The following CNTNAP2 variants were observed in gnomAD, a reference collection of about 807,000 sequenced individuals.
CNTNAP2 encodes contactin-associated protein-like 2.
A neutral mutation model predicts 155.2 loss-of-function variants in CNTNAP2; 98 were observed. The ratio of observed to expected loss-of-function variants is 0.63; its 90% CI spans 0.54 to 0.75. The LOEUF (loss-of-function observed/expected upper bound fraction) is 0.75. Among genes scored for constraint, CNTNAP2 ranks in the 30% least tolerant of loss-of-function variants. CNTNAP2 has a pLI of 0.00. For synonymous variants in CNTNAP2, 651 were observed against 631.2 expected (o/e 1.03, Z -0.47); for missense variants, 1,727 against 1,688.1 (o/e 1.02, Z -0.40).
Position 147,165,038 on chromosome 7 carries a change from A to G in CNTNAP2, c.1348+32529A>G, listed in dbSNP as rs79371738. The stretch of plus-strand genomic sequence containing the variant: ...GTTTCAAGGAAATCTATTGAGTTGG[A>G]ATATCAATCTACATATTATTTGAAA... On this transcript the variant is annotated intron_variant, in intron 8 of 23. Coordinates refer to ENST00000361727, the MANE Select transcript of CNTNAP2 (RefSeq NM_014141.6). Among the ~76,000 whole-genome samples, 479 of 152,362 alleles carry G rather than the reference A, an allele frequency of 3.1e-3. 5 individuals are homozygous for G. The highest frequency in any genetic ancestry group is 0.01 in the African/African-American group (430 of 41,584).
intron 3 of CNTNAP2, among the ~76,000 whole-genome samples, chr7:146,857,272 A>C (rs181526169): frequency 6.6e-6 from 1 of 152,242 alleles, no homozygotes; most frequent in East Asian, 1.9e-4. Flanking sequence ...AAATAGAAGA[A>C]TAAGAATAAA....
At chr7:148,003,006 C>T (rs1339069700) in intron 15 of CNTNAP2, among the ~76,000 whole-genome samples, 1 of 152,150 alleles carries the variant, frequency 6.6e-6, no homozygotes, top group African/African-American at 2.4e-5. Context: ...GTATTTTGAT[C>T]AGCACGGGGA....
At chr7:147,956,516 T>A (rs146534822) in intron 14 of CNTNAP2, among the ~76,000 whole-genome samples, 365 of 152,284 alleles carry the variant, frequency 2.4e-3, no homozygotes, top group African/African-American at 8.4e-3. Flanking sequence ...TCAGAGAGCT[T>A]CACTGTGTTC....
At chr7:148,342,590 A>G (rs1192947969) in intron 21 of CNTNAP2, among the ~76,000 whole-genome samples, 3 of 152,228 alleles carry the variant, frequency 2.0e-5, no homozygotes, top group African/African-American at 2.4e-5. Flanking sequence ...ACGAATAATC[A>G]TAGTCAAAAT....
intron 4 of CNTNAP2, among the ~76,000 whole-genome samples, chr7:147,073,002 G>A (rs1353518830): frequency 6.0e-5 from 9 of 150,972 alleles, no homozygotes; most frequent in East Asian, 2.0e-4. Flanking sequence ...ACAGGCACCC[G>A]CCACCACGCC....
At chr7:146,544,978 C>T (rs1053485905) in intron 1 of CNTNAP2, among the ~76,000 whole-genome samples, 9 of 151,750 alleles carry the variant, frequency 5.9e-5, no homozygotes, top group Admixed American at 2.0e-4. Context: ...AGAGCTAGTA[C>T]ATATATGAGT....
intron 12 of CNTNAP2, among the ~76,000 whole-genome samples, chr7:147,602,763 G>A (rs553623163): frequency 6.6e-6 from 1 of 151,886 alleles, no homozygotes; most frequent in South Asian, 2.1e-4. Flanking sequence ...CTTTGTGATA[G>A]TTTACTGAGA....
intron 10 of CNTNAP2, among the ~76,000 whole-genome samples, chr7:147,479,202 T>C (rs1798377046): frequency 6.6e-6 from 1 of 152,236 alleles, no homozygotes. Flanking sequence ...AAGTCTAAAC[T>C]TTCTTTCAAA....
intron 8 of CNTNAP2, among the ~76,000 whole-genome samples, chr7:147,291,773 A>T (rs1287182756): frequency 3.3e-5 from 5 of 152,162 alleles, no homozygotes; most frequent in Non-Finnish European, 7.4e-5. Flanking sequence ...TGAGGGTTCA[A>T]ATTGCTCTAG....
intron 1 of CNTNAP2, among the ~76,000 whole-genome samples, chr7:146,714,662 A>T (rs997920745): frequency 2.0e-5 from 3 of 152,236 alleles, no homozygotes; most frequent in African/African-American, 7.2e-5. Flanking sequence ...TTTTCGAGTT[A>T]AGATAACTAA....
intron 13 of CNTNAP2, chr7:147,894,210 T>A (rs1263156613): frequency 1.3e-5 from 2 of 152,234 alleles, no homozygotes; most frequent in Non-Finnish European, 2.9e-5. Flanking sequence ...TAAGGATGCC[T>A]ATACTTAGTA....
intron 9 of CNTNAP2, among the ~76,000 whole-genome samples, chr7:147,381,365 G>C (rs1796532656): frequency 6.6e-6 from 1 of 152,036 alleles, no homozygotes; most frequent in African/African-American, 2.4e-5. Context: ...TAATTTCATA[G>C]TAATTAAGCA....
At chr7:148,230,850 C>A (rs1298804651) in intron 20 of CNTNAP2, among the ~76,000 whole-genome samples, 1 of 152,168 alleles carries the variant, frequency 6.6e-6, no homozygotes, top group Non-Finnish European at 1.5e-5. Context: ...CAGAGCCCAG[C>A]ACAGTACCTG....
chr7:147,902,835 T>G (rs1017647485), intron 13 of CNTNAP2, among the ~76,000 whole-genome samples: 3 of 121,648 alleles, frequency 2.5e-5, no homozygotes, highest in Non-Finnish European at 5.4e-5. Context: ...TGTGTGTGTG[T>G]GTGTGTGTAT....
At chr7:146,789,700 G>T (rs1475397900) in intron 2 of CNTNAP2, among the ~76,000 whole-genome samples, 1 of 151,072 alleles carries the variant, frequency 6.6e-6, no homozygotes, top group African/African-American at 2.4e-5. Context: ...TACCAGAAAA[G>T]AATTTAAATA....
intron 1 of CNTNAP2, among the ~76,000 whole-genome samples, chr7:146,128,704 A>G (rs1479574381): frequency 6.6e-6 from 1 of 152,144 alleles, no homozygotes; most frequent in Non-Finnish European, 1.5e-5. Flanking sequence ...ATGGAATTGA[A>G]ATGGGTTAGC....
intron 1 of CNTNAP2, among the ~76,000 whole-genome samples, chr7:146,139,257 T>G (rs1004738502): frequency 2.0e-5 from 3 of 152,170 alleles, no homozygotes; most frequent in Non-Finnish European, 4.4e-5. Context: ...GAATGAGTAT[T>G]GCTTTCACAC....
chr7:146,460,342 C>G (rs1245794444), intron 1 of CNTNAP2, among the ~76,000 whole-genome samples: 1 of 151,672 alleles, frequency 6.6e-6, no homozygotes, highest in African/African-American at 2.4e-5. Flanking sequence ...TAAATCAGTA[C>G]AGCCATTATA....
chr7:147,095,718 C>T (rs113038703), intron 4 of CNTNAP2, among the ~76,000 whole-genome samples: 118 of 152,080 alleles, frequency 7.8e-4, no homozygotes, highest in Middle Eastern at 6.8e-3. Context: ...GCTACAGAAA[C>T]GAGGCAGAAA....
Sources: gnomAD v4.1 joint callset for allele counts (sites outside exome capture counted in the v4.1 genomes callset) on GRCh38, gnomAD v4.1.1 for gene constraint, MANE v1.5 for transcripts, NCBI Gene and HGNC (gene_info 2026-07-23, HGNC 2026-07-21) for gene names.